CNTLN: variants seen among roughly 807,000 people sequenced by gnomAD.
CNTLN encodes centlein, centrosomal protein.
Under a neutral mutation model 180.0 loss-of-function variants are expected in CNTLN, and 212 were observed. That is an observed-to-expected ratio of 1.18 (90% CI 1.05 to 1.32). The LOEUF (loss-of-function observed/expected upper bound fraction) is 1.32, where lower values mean the gene tolerates loss of function less well. Ranked by LOEUF, CNTLN falls within the 40% of genes most tolerant of loss-of-function variation. CNTLN has a pLI of 0.00. For synonymous variants in CNTLN, 722 were observed against 563.1 expected (o/e 1.28, Z -3.99); for missense variants, 2,095 against 1,610.9 (o/e 1.30, Z -5.14).
chr9:17,331,346 C>T lies in CNTLN; in HGVS notation c.1518+538C>T, dbSNP rs902782214. Among the ~76,000 whole-genome samples the T allele has an allele frequency of 2.4e-5, 3 of 125,938 alleles. No homozygotes were observed. The East Asian group carries it at 7.8e-4, about 33-fold the overall frequency. 82.6% of individuals were successfully genotyped at this position (125,938 alleles called of 152,430 possible). A position where few individuals can be genotyped will look rare whatever the true frequency, so the allele number is the denominator to read the frequency against. On this transcript the variant is annotated intron_variant, in intron 9 of 25. Transcript: ENST00000380647. ...AAATAAGCAAATTTTACATGTTTCT[C>T]GTTTATTAATGTCTCAATTTTTTTT... is the stretch of plus-strand genomic sequence containing the variant.
chr9:17,369,350 C>G (rs990373833), intron 13 of CNTLN, among the ~76,000 whole-genome samples: 5 of 152,010 alleles, frequency 3.3e-5, no homozygotes, highest in Non-Finnish European at 1.5e-5. Flanking sequence ...ATTACTCAGT[C>G]TTGAGCAGTT....
chr9:17,198,253 T>C (rs1442952971), intron 2 of CNTLN, among the ~76,000 whole-genome samples: 4 of 152,312 alleles, frequency 2.6e-5, no homozygotes, highest in South Asian at 4.1e-4. Flanking sequence ...AGAATTGTTT[T>C]TTTCTATTTT....
intron 5 of CNTLN, among the ~76,000 whole-genome samples, chr9:17,255,021 T>C (rs1826388245): frequency 6.6e-6 from 1 of 151,812 alleles, no homozygotes; most frequent in African/African-American, 2.4e-5. Context: ...GATTTATTTC[T>C]AGTATTTTTT....
intron 18 of CNTLN, among the ~76,000 whole-genome samples, chr9:17,421,706 G>C (rs1002869375): frequency 6.6e-6 from 1 of 151,904 alleles, no homozygotes; most frequent in African/African-American, 2.4e-5. Flanking sequence ...TTAATTTCAT[G>C]CTTTAGTGTG....
chr9:17,353,218 A>G (rs1343540978), intron 12 of CNTLN, among the ~76,000 whole-genome samples: 1 of 151,118 alleles, frequency 6.6e-6, no homozygotes, highest in African/African-American at 2.4e-5. Context: ...AGCCTCCCAG[A>G]GTACTGGGAT....
chr9:17,256,668 G>T (rs1378944020), intron 5 of CNTLN, among the ~76,000 whole-genome samples: 1 of 151,788 alleles, frequency 6.6e-6, no homozygotes, highest in African/African-American at 2.4e-5. Context: ...AGCCGATCTG[G>T]GGAGGTTGGT....
chr9:17,431,196 A>G (rs1201191674), intron 18 of CNTLN, among the ~76,000 whole-genome samples: 1 of 152,128 alleles, frequency 6.6e-6, no homozygotes, highest in Non-Finnish European at 1.5e-5. Context: ...CCTTTTCTCT[A>G]CGTCCTCACT....
At chr9:17,365,633 TA>T (rs1410383994) in intron 12 of CNTLN, among the ~76,000 whole-genome samples, 4 of 152,208 alleles carry the variant, frequency 2.6e-5, no homozygotes, top group African/African-American at 9.7e-5. Flanking sequence ...CATTTTTCAT[TA>T]CTATTTTGCC....
chr9:17,435,870 CTCCTTTTT>C (rs1829743896), intron 18 of CNTLN, among the ~76,000 whole-genome samples: 1 of 152,098 alleles, frequency 6.6e-6, no homozygotes, highest in Admixed American at 6.6e-5. Context: ...GCCAGGGTAG[CTCCTTTTT>C]TACGGGCACA....
At chr9:17,528,506 G>A in the CNTLN span, among the ~76,000 whole-genome samples, 4 of 152,202 alleles carry the variant, frequency 2.6e-5, no homozygotes, top group Non-Finnish European at 4.4e-5. Context: ...TGTCCCACCC[G>A]AAAGGACACT....
intron 5 of CNTLN, among the ~76,000 whole-genome samples, chr9:17,240,530 A>G (rs1264956422): frequency 6.6e-6 from 1 of 152,162 alleles, no homozygotes; most frequent in African/African-American, 2.4e-5. Context: ...GTCTTTTCAA[A>G]TACCTATTTG....
intron 2 of CNTLN, among the ~76,000 whole-genome samples, chr9:17,195,686 AAGAT>A (rs1477557675): frequency 6.6e-6 from 1 of 152,192 alleles, no homozygotes; most frequent in Non-Finnish European, 1.5e-5. Context: ...GGAAGGAAAA[AAGAT>A]AGCCCTTTTT....
chr9:17,139,895 G>A (rs1206622342), intron 1 of CNTLN, among the ~76,000 whole-genome samples: 1 of 152,044 alleles, frequency 6.6e-6, no homozygotes, highest in South Asian at 2.1e-4. Context: ...TGTAGAGATG[G>A]GGTCTCTGTC....
intron 12 of CNTLN, among the ~76,000 whole-genome samples, chr9:17,349,314 C>T (rs974841461): frequency 6.6e-6 from 1 of 152,118 alleles, no homozygotes; most frequent in Non-Finnish European, 1.5e-5. Context: ...TTGAGTCATT[C>T]ATTAATATCT....
At chr9:17,352,416 A>ATATTT (rs1469636947) in intron 12 of CNTLN, among the ~76,000 whole-genome samples, 2 of 31,294 alleles carry the variant, frequency 6.4e-5, no homozygotes, top group South Asian at 5.8e-4. Flanking sequence ...ATATATATAT[A>ATATTT]TTTTTTTTTT....
At chr9:17,377,855 A>C (rs185650786) in intron 13 of CNTLN, among the ~76,000 whole-genome samples, 2 of 152,274 alleles carry the variant, frequency 1.3e-5, no homozygotes, top group Admixed American at 1.3e-4. Flanking sequence ...CTGAAAATTT[A>C]CTTTTTTCAA....
intron 2 of CNTLN, among the ~76,000 whole-genome samples, chr9:17,184,618 G>T (rs574500015): frequency 6.6e-6 from 1 of 152,186 alleles, no homozygotes; most frequent in East Asian, 1.9e-4. Flanking sequence ...TACTATGATC[G>T]TGACTACAGT....
At chr9:17,442,059 G>A (rs1358036496) in intron 18 of CNTLN, among the ~76,000 whole-genome samples, 1 of 152,154 alleles carries the variant, frequency 6.6e-6, no homozygotes, top group Non-Finnish European at 1.5e-5. Context: ...GCTGAAGGGA[G>A]AAATAGGCAG....
At chr9:17,504,984 G>T (rs551208344), downstream of CNTLN, among the ~76,000 whole-genome samples, 1 of 152,046 alleles carries the variant, frequency 6.6e-6, no homozygotes, top group East Asian at 1.9e-4. Context: ...CTGTTTAGAA[G>T]TTTTACATCT....
Sources: gnomAD v4.1 joint callset for allele counts (sites outside exome capture counted in the v4.1 genomes callset) on GRCh38, gnomAD v4.1.1 for gene constraint, MANE v1.5 for transcripts, NCBI Gene and HGNC (gene_info 2026-07-23, HGNC 2026-07-21) for gene names.